Variants in SLC22A14 observed in about 807,000 individuals in gnomAD.
The protein encoded by SLC22A14 is solute carrier family 22 member 14.
SLC22A14 carries 50 observed loss-of-function variants against 53.9 expected under a neutral mutation model. The ratio of observed to expected loss-of-function variants is 0.93; its 90% CI spans 0.74 to 1.17. The LOEUF (loss-of-function observed/expected upper bound fraction) is 1.17. Among genes scored for constraint, SLC22A14 ranks in the 50% most tolerant of loss-of-function variants. SLC22A14 has a pLI of 0.00. For missense variants in SLC22A14, 671 were observed against 734.7 expected (o/e 0.91, Z 1.00); for synonymous variants, 312 against 303.0 (o/e 1.03, Z -0.31).
chr3:38,294,360 G>A (rs1703978505), intron 1 of SLC22A14, among the ~76,000 whole-genome samples: 1 of 152,168 alleles, frequency 6.6e-6, no homozygotes, highest in Non-Finnish European at 1.5e-5. Flanking sequence ...CTACAAAAGA[G>A]GTCTAGCTGT....
At position 38,295,879 on chromosome 3, in the gene SLC22A14, G is replaced by A. The variant is rs895195898; in HGVS notation, c.1-10148G>A. Reference sequence around the variant, plus strand: ...ACTTGGGGCCCTGGCAAGGATGGTGGGGAATGGGTTTCACATAACTGCCCA... The same window carrying A: ...ACTTGGGGCCCTGGCAAGGATGGTGAGGAATGGGTTTCACATAACTGCCCA... On this transcript the variant is annotated intron_variant, in intron 1 of 10. Coordinates refer to ENST00000448498, the MANE Select transcript of SLC22A14 (RefSeq NM_001320033.2). 2.0e-5 allele frequency among the ~76,000 whole-genome samples: 3 copies of A among 151,880 alleles called. No homozygotes were observed. The East Asian group carries it at 5.8e-4, about 29-fold the overall frequency.
chr3:38,316,556 C>G (rs1380566551), intron 10 of SLC22A14, 32 bp downstream of exon 10: 1 of 1,592,586 alleles, frequency 6.3e-7, no homozygotes, highest in Non-Finnish European at 8.6e-7. Flanking sequence ...GCTGTGCCAG[C>G]ACGGGGCCTG....
At chr3:38,286,875 G>T (rs766162675) in intron 1 of SLC22A14, among the ~76,000 whole-genome samples, 1 of 151,716 alleles carries the variant, frequency 6.6e-6, no homozygotes, top group Non-Finnish European at 1.5e-5. Flanking sequence ...GGGATTACAG[G>T]TGTGCACCAT....
At chr3:38,280,959 A>C (rs1205826513), upstream of SLC22A14, among the ~76,000 whole-genome samples, 2 of 152,324 alleles carry the variant, frequency 1.3e-5, no homozygotes, top group Admixed American at 6.5e-5. Flanking sequence ...AACCAAAACA[A>C]ACCAAAACAA....
chr3:38,289,768 C>T lies in SLC22A14; in HGVS notation c.-1+7429C>T, dbSNP rs181683664. Among the ~76,000 whole-genome samples the T allele has an allele frequency of 1.9e-3, 295 of 152,282 alleles. 3 individuals carry two copies. The highest frequency in any genetic ancestry group is 6.8e-3 in the African/African-American group (282 of 41,550). On this transcript the variant is annotated intron_variant, in intron 1 of 10. Transcript: ENST00000448498. ...GATCCGGAGGGGTGGAAGTCAGCGG[C>T]GGGTCTGCAACAGCGACAAACAGCA...
chr3:38,281,680 G>A (rs1192579674), upstream of SLC22A14, among the ~76,000 whole-genome samples: 2 of 152,210 alleles, frequency 1.3e-5, no homozygotes, highest in African/African-American at 2.4e-5. Context: ...CTACCACACT[G>A]GAGATGAAGT....
intron 1 of SLC22A14, among the ~76,000 whole-genome samples, chr3:38,299,471 C>T (rs1030784313): frequency 1.3e-4 from 20 of 152,172 alleles, no homozygotes; most frequent in African/African-American, 4.1e-4. Context: ...TAGAGATACT[C>T]GAGCATTTTG....
upstream of SLC22A14, among the ~76,000 whole-genome samples, chr3:38,281,315 T>G (rs897608961): frequency 6.6e-6 from 1 of 152,220 alleles, no homozygotes; most frequent in South Asian, 2.1e-4. Flanking sequence ...TAATTTTTTT[T>G]TGTGTCTTAA....
intron 1 of SLC22A14, among the ~76,000 whole-genome samples, chr3:38,303,516 A>G (rs548503818): frequency 3.3e-5 from 5 of 152,038 alleles, no homozygotes; most frequent in South Asian, 2.1e-4. Flanking sequence ...TTTTTAACTT[A>G]AAAACATATG....
chr3:38,305,831 T>A (rs966794439), intron 1 of SLC22A14, 196 bp from the exon 2 acceptor site: 4 of 603,212 alleles, frequency 6.6e-6, no homozygotes, highest in Non-Finnish European at 8.7e-6. Context: ...ACACTAAAAC[T>A]CCAGGATGGT....
chr3:38,308,613 A>G (rs941063027), intron 4 of SLC22A14, among the ~76,000 whole-genome samples: 2 of 152,210 alleles, frequency 1.3e-5, no homozygotes, highest in Non-Finnish European at 2.9e-5. Context: ...AACAAGGACA[A>G]TGATTCCTTG....
chr3:38,318,428 T>A lies in SLC22A14; in HGVS notation c.*179T>A, dbSNP rs887450394. The A allele has an allele frequency of 1.6e-6, 1 of 622,380 alleles. No individual in the cohort carries two copies. The highest frequency in any genetic ancestry group is 1.8e-5 in the African/African-American group (1 of 55,096). 38.6% of individuals were successfully genotyped at this position (622,380 alleles called of 1,614,324 possible). On this transcript the variant is annotated 3_prime_UTR_variant, in exon 11 of 11. Coordinates refer to ENST00000448498, the MANE Select transcript of SLC22A14 (RefSeq NM_001320033.2). The stretch of plus-strand genomic sequence containing the variant: ...AGTGGCCAAGTATGGGGTCATGGAT[T>A]CCAGGCCACAAATTCCAGGCCTAGT...
At chr3:38,290,970 C>T (rs1223590814) in intron 1 of SLC22A14, among the ~76,000 whole-genome samples, 1 of 152,170 alleles carries the variant, frequency 6.6e-6, no homozygotes, top group East Asian at 1.9e-4. Context: ...CTAGTGGCTT[C>T]CTGATGTTTG....
intron 1 of SLC22A14, among the ~76,000 whole-genome samples, chr3:38,296,843 A>G (rs183617988): frequency 0.064 from 9,756 of 152,288 alleles, 371 homozygotes; most frequent in East Asian, 0.16. Context: ...AATCCAGAGC[A>G]GCAATGGGCA....
At chr3:38,293,964 C>A (rs1199872357) in intron 1 of SLC22A14, among the ~76,000 whole-genome samples, 2 of 152,120 alleles carry the variant, frequency 1.3e-5, no homozygotes, top group African/African-American at 4.8e-5. Context: ...TTGTCCTAAC[C>A]CTTGTAAAAC....
chr3:38,312,325 T>A (rs1704489893), intron 5 of SLC22A14, among the ~76,000 whole-genome samples: 1 of 152,202 alleles, frequency 6.6e-6, no homozygotes, highest in African/African-American at 2.4e-5. Context: ...TAAACAAGAC[T>A]ATATATACAA....
chr3:38,289,361 T>C (rs1381448289), intron 1 of SLC22A14, among the ~76,000 whole-genome samples: 1 of 152,104 alleles, frequency 6.6e-6, no homozygotes, highest in East Asian at 1.9e-4. Flanking sequence ...CCCACTAACA[T>C]TCTTTTCCCA....
rs116100457 is a variant in SLC22A14, at chr3:38,315,643, G to C, written c.1464G>C (p.Glu488Asp). Residue 488 changes from glutamate to aspartate, a missense_variant, in exon 9 of 11, where the codon GAG becomes GAC. Glu to Asp is a conservative substitution (Grantham distance 45, BLOSUM62 2). Coordinates refer to ENST00000448498, the MANE Select transcript of SLC22A14 (RefSeq NM_001320033.2). ...SMTILVLMLREFSLAATVTVF... is the reference protein window; with the variant it reads ...SMTILVLMLRDFSLAATVTVF... ...CGATCTTGGTGCTCATGCTCAGAGA[G>C]TTCAGCCTGGCCGCCACTGTCACTG... 4.8e-4 allele frequency: 767 copies of C among 1,614,156 alleles called. 1 individual carries two copies. The African/African-American group carries it at 9.2e-3, about 19-fold the overall frequency.
intron 1 of SLC22A14, among the ~76,000 whole-genome samples, chr3:38,298,999 G>C (rs892473616): frequency 3.3e-5 from 5 of 151,984 alleles, no homozygotes; most frequent in Non-Finnish European, 7.4e-5. Context: ...CACTAACTAG[G>C]GTAACAGTAC....
Sources: allele counts gnomAD v4.1 joint callset (sites outside exome capture counted in the v4.1 genomes callset), GRCh38; gene constraint gnomAD v4.1.1; transcripts MANE v1.5; gene names NCBI Gene and HGNC (gene_info 2026-07-23, HGNC 2026-07-21).